Variants in DEPDC5 observed in about 807,000 individuals in gnomAD.
DEPDC5 encodes DEP domain containing 5, GATOR1 subcomplex subunit.
Under a neutral mutation model 217.3 loss-of-function variants are expected in DEPDC5, and 73 were observed. That is an observed-to-expected ratio of 0.34 (90% CI 0.28 to 0.41). The LOEUF is 0.41. Among genes scored for constraint, DEPDC5 ranks in the 10% least tolerant of loss-of-function variants. The pLI, the probability that DEPDC5 is intolerant of heterozygous loss-of-function variation, is 1.00. For missense variants in DEPDC5, 1,675 were observed against 2,070.1 expected (o/e 0.81, Z 3.70); for synonymous variants, 733 against 756.7 (o/e 0.97, Z 0.51).
intron 12 of DEPDC5, among the ~76,000 whole-genome samples, chr22:31,795,307 T>C (rs531287805): frequency 1.3e-3 from 198 of 152,008 alleles, no homozygotes; most frequent in African/African-American, 4.0e-3. Flanking sequence ...TGACCTCAGG[T>C]GATCCACCGC....
intron 22 of DEPDC5, among the ~76,000 whole-genome samples, chr22:31,820,362 C>T (rs1389902734): frequency 6.6e-6 from 1 of 152,162 alleles, no homozygotes; most frequent in Non-Finnish European, 1.5e-5. Flanking sequence ...TCCACCCACC[C>T]CGGCTTCCCA....
intron 21 of DEPDC5, 180 bp downstream of exon 21, chr22:31,815,392 T>G: frequency 3.2e-6 from 2 of 624,920 alleles, no homozygotes; most frequent in East Asian, 5.9e-5. Flanking sequence ...CTTCTTTTTT[T>G]TTTTTTTTTT....
intron 31 of DEPDC5, among the ~76,000 whole-genome samples, chr22:31,850,650 G>A (rs951202920): frequency 1.3e-5 from 2 of 152,210 alleles, no homozygotes; most frequent in Non-Finnish European, 2.9e-5. Flanking sequence ...AGTGGCCCAT[G>A]CCTATAATCC....
intron 39 of DEPDC5, among the ~76,000 whole-genome samples, chr22:31,896,397 T>C (rs2093553382): frequency 6.6e-6 from 1 of 152,192 alleles, no homozygotes; most frequent in African/African-American, 2.4e-5. Flanking sequence ...AGAGAAAAGA[T>C]AAGGGTGGTA....
chr22:31,775,340 T>G (rs950538566), intron 7 of DEPDC5, among the ~76,000 whole-genome samples: 1 of 151,952 alleles, frequency 6.6e-6, no homozygotes, highest in African/African-American at 2.4e-5. Flanking sequence ...CCACCACGCC[T>G]GGCTAATTTT....
chr22:31,825,224 GTTGT>G (rs1377524085), intron 24 of DEPDC5, among the ~76,000 whole-genome samples: 1 of 152,188 alleles, frequency 6.6e-6, no homozygotes. Context: ...AGTCTTGGAA[GTTGT>G]TTGGGGCCTG....
intron 27 of DEPDC5, among the ~76,000 whole-genome samples, chr22:31,842,468 G>A (rs1019522095): frequency 9.2e-5 from 14 of 151,982 alleles, no homozygotes; most frequent in African/African-American, 3.4e-4. Flanking sequence ...CCAGCTACTC[G>A]GGAGGCTGAG....
intron 7 of DEPDC5, 146 bp from the exon 8 acceptor site, chr22:31,777,953 G>T (rs1292031705): frequency 8.8e-6 from 7 of 792,480 alleles, no homozygotes. Flanking sequence ...TCACCATGTT[G>T]TCCAGGCTGG....
rs759932011 is a variant in DEPDC5, at chr22:31,873,238, G to A, written c.3486-17G>A. 2.4e-5 allele frequency: 39 copies of A among 1,613,872 alleles called. No individual in the cohort carries two copies. The highest frequency in any genetic ancestry group is 3.1e-5 in the Non-Finnish European group (37 of 1,179,898). On this transcript the variant is annotated splice_polypyrimidine_tract_variant and intron_variant, in intron 34 of 42. Coordinates refer to ENST00000651528, the MANE Select transcript of DEPDC5 (RefSeq NM_001242896.3). ...ACGTGCCATCTTGCTTTGCTGACCT[G>A]ACACCCTGTGTTACAGCTCTCAGCA... is the stretch of plus-strand genomic sequence containing the variant.
intron 2 of DEPDC5, 108 bp downstream of exon 2, chr22:31,755,087 C>CGACTAAACA: frequency 7.7e-7 from 1 of 1,294,932 alleles, no homozygotes; most frequent in Non-Finnish European, 1.1e-6. Context: ...GCTAAACAGG[C>CGACTAAACA]GACTAAACAG....
In DEPDC5 at chr22:31,893,684, C is replaced by A. The variant is rs765244692; in HGVS notation, c.4136C>A (p.Ser1379Tyr). The A allele has an allele frequency of 5.6e-6, 9 of 1,614,004 alleles. No homozygotes were observed. In the Admixed American group the frequency reaches 1.3e-4, roughly 24 times the overall value. ...AGCTGTTATTACCATGGCAACTTTT[C>A]TCTGAATGCAGCCTTTGAGATCAAG... The part of the protein sequence containing the change: ...WCSCYYHGNF[S>Y]LNAAFEIKLH... The change falls in exon 39 of 43, where the codon TCT becomes TAT. Residue 1379 changes from serine (S) to tyrosine (Y), a missense_variant. Ser to Tyr is a moderately radical substitution (Grantham distance 144, BLOSUM62 -2). Coordinates refer to ENST00000651528, the MANE Select transcript of DEPDC5 (RefSeq NM_001242896.3).
intron 24 of DEPDC5, among the ~76,000 whole-genome samples, chr22:31,831,672 G>A (rs948833966): frequency 6.6e-6 from 1 of 152,258 alleles, no homozygotes. Flanking sequence ...TGTTGGCCAG[G>A]CTGGTCTCGA....
chr22:31,822,966 C>T (rs990475277), intron 24 of DEPDC5, 176 bp downstream of exon 24: 18 of 598,966 alleles, frequency 3.0e-5, no homozygotes, highest in South Asian at 9.8e-5. Flanking sequence ...ATGGGCTGCA[C>T]GTTAACATTT....
intron 10 of DEPDC5, among the ~76,000 whole-genome samples, chr22:31,786,323 G>A (rs1377752714): frequency 1.3e-5 from 2 of 150,834 alleles, no homozygotes; most frequent in African/African-American, 2.4e-5. Context: ...GGGAGGCGGA[G>A]GTGGGCAGAT....
chr22:31,892,410 A>T (rs545175039), intron 38 of DEPDC5, among the ~76,000 whole-genome samples: 1 of 152,212 alleles, frequency 6.6e-6, no homozygotes, highest in East Asian at 1.9e-4. Flanking sequence ...CTGGCCGGGC[A>T]TGGTGGCTCA....
intron 9 of DEPDC5, 138 bp downstream of exon 9, chr22:31,784,123 G>T: frequency 1.4e-6 from 1 of 695,032 alleles, no homozygotes; most frequent in Non-Finnish European, 2.4e-6. Context: ...AATCATATTT[G>T]GAGGTTAGAG....
rs2089821108 is a variant in DEPDC5, at chr22:31,822,787, G to A, written c.2101G>A (p.Ala701Thr). ...LSVGLLSNSGAGMNPRTQNKD... is the reference protein window; with the variant it reads ...LSVGLLSNSGTGMNPRTQNKD... ...TGTCGGCCTGCTTAGCAACAGTGGT[G>A]CAGGTAACCAATCCAAGAGGTAATA... The change falls in exon 24 of 43, where the codon GCA becomes ACA. Residue 701 changes from alanine (A) to threonine (T), a missense_variant. By Grantham distance (58) the Ala-to-Thr change is moderately conservative. Around this residue, in one of 11 missense-constraint regions of DEPDC5, gnomAD observed 136 missense variants for 132.2 expected, o/e 1.03. Transcript: ENST00000651528. 1 of 1,613,788 alleles carries A rather than the reference G, an allele frequency of 6.2e-7. No homozygotes were observed. The highest frequency in any genetic ancestry group is 1.3e-5 in the African/African-American group (1 of 75,044).
chr22:31,829,194 A>C (rs1250663452), intron 24 of DEPDC5, among the ~76,000 whole-genome samples: 1 of 152,202 alleles, frequency 6.6e-6, no homozygotes, highest in Non-Finnish European at 1.5e-5. Flanking sequence ...GTTTTGGGAC[A>C]AGGTGGGGTC....
chr22:31,879,239 C>T (rs2093107393), intron 37 of DEPDC5, among the ~76,000 whole-genome samples: 1 of 151,656 alleles, frequency 6.6e-6, no homozygotes, highest in Non-Finnish European at 1.5e-5. Flanking sequence ...ACTATCATGT[C>T]CATCTAGTTC....
Sources: allele counts gnomAD v4.1 joint callset (sites outside exome capture counted in the v4.1 genomes callset), GRCh38; gene constraint gnomAD v4.1.1; regional missense constraint gnomAD v4.1.1; transcripts MANE v1.5; gene names NCBI Gene and HGNC (gene_info 2026-07-23, HGNC 2026-07-21).